Variants in ZFYVE9 observed in about 807,000 individuals in gnomAD.
ZFYVE9 encodes zinc finger FYVE domain-containing protein 9.
Under a neutral mutation model 126.7 loss-of-function variants are expected in ZFYVE9, and 43 were observed. That is an observed-to-expected ratio of 0.34 (90% CI 0.27 to 0.44). ZFYVE9 has a LOEUF of 0.44. ZFYVE9 is among the 20% of genes least tolerant of loss of function. ZFYVE9 has a pLI of 1.00. For missense variants in ZFYVE9, 1,476 were observed against 1,697.0 expected (o/e 0.87, Z 2.29); for synonymous variants, 521 against 597.4 (o/e 0.87, Z 1.87).
chr1:52,286,852 T>C (rs557957423), intron 10 of ZFYVE9, among the ~76,000 whole-genome samples: 1 of 152,302 alleles, frequency 6.6e-6, no homozygotes, highest in East Asian at 1.9e-4. Flanking sequence ...TCTCCATACT[T>C]CCATTGTAGC....
chr1:52,324,309 T>A (rs1646270830), intron 13 of ZFYVE9, among the ~76,000 whole-genome samples: 1 of 152,068 alleles, frequency 6.6e-6, no homozygotes, highest in African/African-American at 2.4e-5. Flanking sequence ...ACAGATTGAA[T>A]GAAGACTCAT....
In ZFYVE9 at chr1:52,238,822, C is replaced by T. The variant is rs1195226195; in HGVS notation, c.1405C>T (p.Pro469Ser). Residue 469 changes from proline to serine, a missense_variant, in exon 4 of 19, where the codon CCA (proline) becomes TCA (serine). Coordinates refer to ENST00000287727, the MANE Select transcript of ZFYVE9 (RefSeq NM_004799.4). ...TGATTTCTCCACTGTTATAGACACA[C>T]CAGCAGCAAATTATCTATCTAATGG... The part of the protein sequence containing the change: ...ECDFSTVIDT[P>S]AANYLSNGCD... 1.6e-5 allele frequency: 26 copies of T among 1,614,064 alleles called. No individual in the cohort carries two copies. Among genetic ancestry groups the T allele is most frequent in the Non-Finnish European group, 2.1e-5 (25 of 1,179,968 alleles).
chr1:52,250,192 T>A (rs1645430410), intron 4 of ZFYVE9, among the ~76,000 whole-genome samples: 1 of 152,244 alleles, frequency 6.6e-6, no homozygotes, highest in Non-Finnish European at 1.5e-5. Context: ...AATCTGTAGA[T>A]CACTATGGGC....
rs573770011 is a variant in ZFYVE9, at chr1:52,180,247, C to T, written c.-142-36122C>T. The T allele has an allele frequency of 4.2e-4, 671 of 1,603,880 alleles. 1 individual carries two copies. Among genetic ancestry groups the T allele is most frequent in the South Asian group, 1.4e-3 (126 of 90,896 alleles). ...ATAAATCAGCACCTCAGTGGAGTTG[C>T]CAGGAAGTTTCCTGATGTCAAATTT... On this transcript the variant is annotated intron_variant, in intron 1 of 18. Transcript: ENST00000287727.
chr1:52,206,538 G>C (rs1291940110), intron 1 of ZFYVE9, among the ~76,000 whole-genome samples: 1 of 152,008 alleles, frequency 6.6e-6, no homozygotes, highest in Non-Finnish European at 1.5e-5. Context: ...TTTTGTTGTT[G>C]TTGTTGTTTT....
At chr1:52,206,735 A>G (rs1644981301) in intron 1 of ZFYVE9, among the ~76,000 whole-genome samples, 2 of 152,150 alleles carry the variant, frequency 1.3e-5, no homozygotes, top group South Asian at 4.1e-4. Context: ...TTTTTAGCAG[A>G]GACGGGGTTT....
chr1:52,332,002 G>A (rs929725280), intron 13 of ZFYVE9, among the ~76,000 whole-genome samples: 1 of 151,520 alleles, frequency 6.6e-6, no homozygotes, highest in Non-Finnish European at 1.5e-5. Context: ...TGATGGTCTC[G>A]ATCTCCTGAC....
At chr1:52,257,908 T>A (rs1645538317) in intron 4 of ZFYVE9, among the ~76,000 whole-genome samples, 1 of 152,138 alleles carries the variant, frequency 6.6e-6, no homozygotes, top group South Asian at 2.1e-4. Context: ...GTATTTTTAG[T>A]AGAGATAGGG....
rs139791435 is a variant in ZFYVE9 at position 52,303,885 on chromosome 1, G to A, written c.3398G>A (p.Arg1133Gln). 3.7e-5 allele frequency: 59 copies of A among 1,599,046 alleles called. No individual in the cohort carries two copies. The African/African-American group carries it at 6.0e-4, about 16-fold the overall frequency. Residue 1133 changes from arginine (R) to glutamine (Q), a missense_variant, in exon 13 of 19, where the codon CGG becomes CAG. By Grantham distance (43) the Arg-to-Gln change is conservative. Around this residue, in one of 2 missense-constraint regions of ZFYVE9, gnomAD observed 669 missense variants for 902.4 expected, o/e 0.74. Coordinates refer to ENST00000287727, the MANE Select transcript of ZFYVE9 (RefSeq NM_004799.4). ...VQGLVVDMEV[R>Q]KTSIKIPSNR... is the part of the protein sequence containing the mutation. ...GGTTTGGTGGTTGATATGGAAGTTC[G>A]GAAAACTAGCATCAAAATTCCCAGC...
At chr1:52,162,020 CT>C (rs1644465130) in intron 1 of ZFYVE9, among the ~76,000 whole-genome samples, 1 of 149,276 alleles carries the variant, frequency 6.7e-6, no homozygotes, top group South Asian at 2.1e-4. Context: ...ACAATTACAT[CT>C]TTAGGAGTAT....
At chr1:52,271,127 T>G (rs1457954362) in intron 7 of ZFYVE9, among the ~76,000 whole-genome samples, 1 of 152,244 alleles carries the variant, frequency 6.6e-6, no homozygotes, top group African/African-American at 2.4e-5. Flanking sequence ...TCTGTTAAAT[T>G]TCTTTCCTAT....
In ZFYVE9 at chr1:52,238,540, T is replaced by G; in HGVS notation, c.1123T>G (p.Tyr375Asp). ...NEVRADENEG[Y>D]EHEETLGTTE... ...AGTTAGGGCTGATGAAAATGAAGGT[T>G]ATGAACATGAAGAAACTCTTGGCAC... Residue 375 changes from tyrosine (Y) to aspartate (D), a missense_variant, in exon 4 of 19, where the codon TAT (tyrosine) becomes GAT (aspartate). Tyr to Asp is a radical substitution (Grantham distance 160). This residue lies in a region of ZFYVE9 where 807 missense variants were observed against 794.6 expected (regional missense o/e 1.02). Transcript: ENST00000287727. 6.2e-7 allele frequency: 1 copy of G among 1,614,032 alleles called. No homozygotes were observed. The highest frequency in any genetic ancestry group is 8.5e-7 in the Non-Finnish European group (1 of 1,179,946).
At chr1:52,182,652 C>G (rs1644722618) in intron 1 of ZFYVE9, among the ~76,000 whole-genome samples, 1 of 152,118 alleles carries the variant, frequency 6.6e-6, no homozygotes, top group African/African-American at 2.4e-5. Context: ...AACCAGAGAC[C>G]TTTGTTCACT....
chr1:52,247,779 G>A (rs769289759), intron 4 of ZFYVE9, among the ~76,000 whole-genome samples: 1 of 152,124 alleles, frequency 6.6e-6, no homozygotes, highest in Non-Finnish European at 1.5e-5. Context: ...TTACAGGTGT[G>A]AGCCACTGTG....
intron 17 of ZFYVE9, among the ~76,000 whole-genome samples, chr1:52,341,414 G>A (rs1386715177): frequency 6.6e-6 from 1 of 152,180 alleles, no homozygotes; most frequent in African/African-American, 2.4e-5. Flanking sequence ...GAGCAGGGCA[G>A]TGACCCTTTT....
At chr1:52,146,193 C>G (rs1644305510) in intron 1 of ZFYVE9, among the ~76,000 whole-genome samples, 1 of 152,032 alleles carries the variant, frequency 6.6e-6, no homozygotes, top group Non-Finnish European at 1.5e-5. Context: ...GGAGGATGTT[C>G]ATAGGTTATA....
intron 13 of ZFYVE9, among the ~76,000 whole-genome samples, chr1:52,329,692 T>G (rs971230239): frequency 5.3e-5 from 8 of 151,276 alleles, no homozygotes; most frequent in African/African-American, 1.9e-4. Context: ...GATCATGAGG[T>G]CAGGAGATCG....
chr1:52,297,884 A>G (rs1187622716), intron 12 of ZFYVE9, among the ~76,000 whole-genome samples: 2 of 151,102 alleles, frequency 1.3e-5, no homozygotes, highest in African/African-American at 2.4e-5. Context: ...CACCATGCCC[A>G]GCTAGTTTTT....
At chr1:52,169,294 G>A (rs954541395) in intron 1 of ZFYVE9, among the ~76,000 whole-genome samples, 8 of 152,084 alleles carry the variant, frequency 5.3e-5, no homozygotes, top group African/African-American at 1.9e-4. Context: ...TCCCAGCTTG[G>A]GAGGCTGAGA....
Sources: allele counts gnomAD v4.1 joint callset (sites outside exome capture counted in the v4.1 genomes callset), GRCh38; gene constraint gnomAD v4.1.1; regional missense constraint gnomAD v4.1.1; transcripts MANE v1.5; gene names NCBI Gene and HGNC (gene_info 2026-07-23, HGNC 2026-07-21).